TRIM69: variants seen among roughly 807,000 people sequenced by gnomAD.
TRIM69 encodes the protein tripartite motif containing 69, also known as E3 ubiquitin-protein ligase TRIM69.
A neutral mutation model predicts 37.7 loss-of-function variants in TRIM69; 29 were observed. The observed-to-expected ratio is 0.77, with a 90% CI of 0.57 to 1.05. The LOEUF (loss-of-function observed/expected upper bound fraction) is 1.05, where lower values mean the gene tolerates loss of function less well. TRIM69 is among the 50% of genes least tolerant of loss of function. TRIM69 has a pLI of 0.00. For synonymous variants in TRIM69, 209 were observed against 212.4 expected, an observed-to-expected ratio of 0.98 and a Z score of 0.14; for missense variants, 596 against 579.9, an observed-to-expected ratio of 1.03 and a Z score of -0.28.
At chr15:44,739,982 A>C (rs2444002) in intron 1 of TRIM69, among the ~76,000 whole-genome samples, 136,925 of 151,696 alleles carry the variant, frequency 0.9, 62,099 homozygotes, top group Middle Eastern at 0.96. Flanking sequence ...AGGCACCCCC[A>C]AGTAGGGGCA....
chr15:44,741,925 C>T (rs1210542098), intron 1 of TRIM69, among the ~76,000 whole-genome samples: 1 of 152,182 alleles, frequency 6.6e-6, no homozygotes, highest in Non-Finnish European at 1.5e-5. Context: ...TGAAGCTATT[C>T]CAATCAACAG....
rs188870754 is a variant in TRIM69 at position 44,748,634 on chromosome 15, G to A, written c.7-6266G>A. On this transcript the variant is annotated intron_variant, in intron 1 of 6. Coordinates refer to ENST00000329464, the MANE Select transcript of TRIM69 (RefSeq NM_182985.5). ...GAGGTCAGGAGTTCGAGACCAGCCTGGCCAACATGGTGAAACTCTGTCTCC... is the reference window on the plus strand; with the variant it reads ...GAGGTCAGGAGTTCGAGACCAGCCTAGCCAACATGGTGAAACTCTGTCTCC... 2.6e-3 allele frequency among the ~76,000 whole-genome samples: 393 copies of A among 151,846 alleles called. 2 individuals are homozygous for A. The highest frequency in any genetic ancestry group is 1.0e-3 in the Non-Finnish European group (68 of 67,930).
In TRIM69 at chr15:44,755,120, C is replaced by CA; in HGVS notation, c.228dup (p.Phe77IlefsTer4). ...TTTTGGAGGCTGCAAGCAAAGGAAACATTCTGTCCTGAGTGTAAGATGCTA... is the reference window on the plus strand; with the variant it reads ...TTTTGGAGGCTGCAAGCAAAGGAAACAATTCTGTCCTGAGTGTAAGATGCTA... On this transcript the variant is annotated frameshift_variant, in exon 2 of 7. Coordinates refer to ENST00000329464, the MANE Select transcript of TRIM69 (RefSeq NM_182985.5). LOFTEE classifies it high-confidence loss of function. The CA allele has an allele frequency of 6.2e-7, 1 of 1,614,188 alleles. No homozygotes were observed. Among genetic ancestry groups the CA allele is most frequent in the Non-Finnish European group, 8.5e-7 (1 of 1,180,024 alleles).
intron 1 of TRIM69, chr15:44,753,739 G>C (rs2087583596): frequency 6.6e-6 from 1 of 151,796 alleles, no homozygotes; most frequent in Non-Finnish European, 1.5e-5. Flanking sequence ...TTTTGAGACA[G>C]AGTTTCACTC....
At chr15:44,752,647 A>G (rs373129635) in intron 1 of TRIM69, among the ~76,000 whole-genome samples, 23 of 152,296 alleles carry the variant, frequency 1.5e-4, no homozygotes, top group Middle Eastern at 3.4e-3. Flanking sequence ...AGACTTACCT[A>G]TGCCATTTTG....
chr15:44,764,058 AGCC>A (rs2087837693), intron 6 of TRIM69, among the ~76,000 whole-genome samples: 1 of 152,190 alleles, frequency 6.6e-6, no homozygotes, highest in African/African-American at 2.4e-5. Flanking sequence ...ATTAGTACTC[AGCC>A]ACAGCCTTGA....
intron 1 of TRIM69, among the ~76,000 whole-genome samples, chr15:44,738,811 A>G (rs2087217783): frequency 6.6e-6 from 1 of 152,186 alleles, no homozygotes; most frequent in South Asian, 2.1e-4. Context: ...TACGTATTTC[A>G]TAGGGTTGTT....
intron 2 of TRIM69, 62 bp downstream of exon 2, chr15:44,755,438 C>A: frequency 1.7e-6 from 2 of 1,172,790 alleles, no homozygotes; most frequent in Non-Finnish European, 2.5e-6. Context: ...TTTCATAGGG[C>A]TTCTTCTTTC....
rs2087622735 is a variant in TRIM69 at position 44,755,327 on chromosome 15, G to A, written c.434G>A (p.Gly145Glu). ...FQCKDARLSV[G>E]QSKEFLQISD... Reference sequence around the variant, plus strand: ...TGCAAGGATGCTCGGTTGTCTGTGGGGCAGTCTAAGGAGTTCCTGCAAATC... The same window carrying A: ...TGCAAGGATGCTCGGTTGTCTGTGGAGCAGTCTAAGGAGTTCCTGCAAATC... The change falls in exon 2 of 7, where the codon GGG (glycine) becomes GAG (glutamate). Residue 145 changes from glycine (G) to glutamate (E), a missense_variant. Physicochemically the swap from Gly to Glu is moderately conservative, Grantham distance 98. Transcript: ENST00000329464. 2 of 1,613,932 alleles carry A rather than the reference G, an allele frequency of 1.2e-6. No individual in the cohort carries two copies. Among genetic ancestry groups the A allele is most frequent in the Non-Finnish European group, 1.7e-6 (2 of 1,180,002 alleles).
chr15:44,759,716 G>A, intron 5 of TRIM69, 32 bp from the exon 6 acceptor site: 1 of 1,614,138 alleles, frequency 6.2e-7, no homozygotes. Context: ...TCTGGAGGAT[G>A]TCTAAGGATA....
rs774442608 is a variant in TRIM69, at chr15:44,758,843, G to A, written c.802G>A (p.Asp268Asn). 1.4e-5 allele frequency: 23 copies of A among 1,612,348 alleles called. No homozygotes were observed. The highest frequency in any genetic ancestry group is 1.1e-5 in the Non-Finnish European group (13 of 1,179,246). ...QAKTEQQNSF[D>N]FLKDITTLLH... ...AAAGACGGAACAACAGAACTCCTTC[G>A]ACTTTCTCAAAGTGAGAATCCACAC... Residue 268 changes from aspartate (D) to asparagine (N), a missense_variant, in exon 4 of 7, where the codon GAC (aspartate) becomes AAC (asparagine). By Grantham distance (23) the Asp-to-Asn change is conservative. Transcript: ENST00000329464.
intron 1 of TRIM69, among the ~76,000 whole-genome samples, chr15:44,739,559 G>A (rs149847939): frequency 0.019 from 2,896 of 152,286 alleles, 93 homozygotes; most frequent in African/African-American, 0.064. Context: ...CTTAAAGAAC[G>A]GTGCACCAGG....
chr15:44,748,508 G>A (rs1363800106), intron 1 of TRIM69, among the ~76,000 whole-genome samples: 1 of 152,100 alleles, frequency 6.6e-6, no homozygotes, highest in African/African-American at 2.4e-5. Flanking sequence ...ATTCTGCAAA[G>A]CAGGATATTA....
chr15:44,744,797 A>C (rs1371800536), intron 1 of TRIM69, among the ~76,000 whole-genome samples: 1 of 152,164 alleles, frequency 6.6e-6, no homozygotes, highest in Non-Finnish European at 1.5e-5. Context: ...GAAGTATTAC[A>C]TAAAAGGCTT....
intron 1 of TRIM69, among the ~76,000 whole-genome samples, chr15:44,752,528 A>G (rs1055949619): frequency 1.3e-5 from 2 of 152,122 alleles, no homozygotes; most frequent in African/African-American, 2.4e-5. Flanking sequence ...TTCTAAGGTG[A>G]GTCTCCTGTA....
rs1421587039 is a variant in TRIM69 at position 44,758,638 on chromosome 15, G to A, written c.597G>A (p.Leu199=). The change falls in exon 4 of 7, where the codon CTG becomes CTA. Residue 199 remains leucine (L), a synonymous_variant. Coordinates refer to ENST00000329464, the MANE Select transcript of TRIM69 (RefSeq NM_182985.5). ...IAAHKENKLH[L]QQHVSMEFLK... is the part of the protein sequence containing the mutation. ...GTTTCCAGGAAAACAAGCTACATCT[G>A]CAGCAACATGTGTCCATGGAGTTTC... The A allele has an allele frequency of 6.2e-7, 1 of 1,614,110 alleles. No individual in the cohort carries two copies. Among genetic ancestry groups the A allele is most frequent in the Non-Finnish European group, 8.5e-7 (1 of 1,180,006 alleles).
intron 2 of TRIM69, 39 bp downstream of exon 2, chr15:44,755,415 A>C (rs745647821): frequency 1.4e-6 from 2 of 1,445,928 alleles, no homozygotes; most frequent in South Asian, 1.2e-5. Context: ...CCTTAGAAAA[A>C]CTAGGAAAAA....
rs762526755 is a variant in TRIM69 at position 44,755,050 on chromosome 15, A to G, written c.157A>G (p.Met53Val). 1 of 1,614,102 alleles carries G rather than the reference A, an allele frequency of 6.2e-7. No individual in the cohort carries two copies. Among genetic ancestry groups the G allele is most frequent in the African/African-American group, 1.3e-5 (1 of 74,940 alleles). The change falls in exon 2 of 7, where the codon ATG becomes GTG. Residue 53 changes from methionine to valine, a missense_variant. Met to Val is a conservative substitution (Grantham distance 21). Coordinates refer to ENST00000329464, the MANE Select transcript of TRIM69 (RefSeq NM_182985.5). ...LCNDWFRDPLMLSCGHNFCEA... is the reference protein window; with the variant it reads ...LCNDWFRDPLVLSCGHNFCEA... Reference sequence around the variant, plus strand: ...CAATGATTGGTTCCGAGACCCACTGATGCTAAGCTGTGGCCACAACTTCTG... The same window carrying G: ...CAATGATTGGTTCCGAGACCCACTGGTGCTAAGCTGTGGCCACAACTTCTG...
At chr15:44,751,003 T>TAC (rs1203068433) in intron 1 of TRIM69, among the ~76,000 whole-genome samples, 1 of 132,390 alleles carries the variant, frequency 7.6e-6, no homozygotes. Context: ...CTGCCCAGGC[T>TAC]ACAGTGCAGT....
Sources: gnomAD v4.1 joint callset for allele counts (sites outside exome capture counted in the v4.1 genomes callset) on GRCh38, gnomAD v4.1.1 for gene constraint, MANE v1.5 for transcripts, NCBI Gene and HGNC (gene_info 2026-07-23, HGNC 2026-07-21) for gene names.